The following FOXP1 variants were observed in gnomAD, a reference collection of about 807,000 sequenced individuals.
The protein encoded by FOXP1 is forkhead box P1.
Under a neutral mutation model 98.2 loss-of-function variants are expected in FOXP1, and 15 were observed. That is an observed-to-expected ratio of 0.15 (90% CI 0.10 to 0.24). FOXP1 has a LOEUF of 0.24. FOXP1 is among the 10% of genes least tolerant of loss of function. The pLI is 1.00. For synonymous variants in FOXP1, 371 were observed against 314.5 expected (o/e 1.18, Z -1.90); for missense variants, 633 against 848.5 (o/e 0.75, Z 3.15).
rs143202281 is a variant in FOXP1 at position 70,955,832 on chromosome 3, G to GCACACACACACACACACA, written c.*3397_*3414dup. The GCACACACACACACACACA allele has an allele frequency of 5.5e-6, 1 of 182,882 alleles. No individual in the cohort carries two copies. Among genetic ancestry groups the GCACACACACACACACACA allele is most frequent in the African/African-American group, 2.3e-5 (1 of 43,408 alleles). 11.3% of individuals were successfully genotyped at this position (182,882 alleles called of 1,614,324 possible). Reference sequence around the variant, plus strand: ...AACAGATTAACACACACGCACGCGCGCACACACACACACACACACACACAA... The same window carrying GCACACACACACACACACA: ...AACAGATTAACACACACGCACGCGCGCACACACACACACACACACACACACACACACACACACACACAA... On this transcript the variant is annotated 3_prime_UTR_variant, in exon 21 of 21. Transcript: ENST00000649528.
At chr3:71,230,135 T>G (rs556510919) in intron 5 of FOXP1, among the ~76,000 whole-genome samples, 1 of 151,794 alleles carries the variant, frequency 6.6e-6, no homozygotes, top group African/African-American at 2.4e-5. Context: ...GGGTGGGGGA[T>G]AAAGGAGAAA....
At chr3:71,430,471 G>A (rs1228981826) in intron 3 of FOXP1, among the ~76,000 whole-genome samples, 1 of 151,456 alleles carries the variant, frequency 6.6e-6, no homozygotes, top group Non-Finnish European at 1.5e-5. Flanking sequence ...TTTGATGCTT[G>A]TCTGTGATAT....
At chr3:71,101,263 T>C (rs72947455) in intron 7 of FOXP1, among the ~76,000 whole-genome samples, 2 of 152,222 alleles carry the variant, frequency 1.3e-5, no homozygotes, top group African/African-American at 2.4e-5. Flanking sequence ...CTGAAATTCA[T>C]GTGAAGGCGA....
At chr3:71,352,800 T>G (rs934807113) in intron 4 of FOXP1, among the ~76,000 whole-genome samples, 11 of 152,316 alleles carry the variant, frequency 7.2e-5, no homozygotes, top group Admixed American at 5.9e-4. Flanking sequence ...TTCATGAGTT[T>G]AGAAAATTCT....
chr3:71,530,188 G>C (rs982169569), intron 2 of FOXP1, among the ~76,000 whole-genome samples: 1 of 152,296 alleles, frequency 6.6e-6, no homozygotes, highest in Non-Finnish European at 1.5e-5. Context: ...ACAGTGTTGA[G>C]AGATGGGACC....
intron 5 of FOXP1, among the ~76,000 whole-genome samples, chr3:71,245,801 C>T (rs562207106): frequency 2.0e-5 from 3 of 148,950 alleles, no homozygotes; most frequent in Non-Finnish European, 4.5e-5. Flanking sequence ...CCAATCACCA[C>T]CCCCCCCACC....
chr3:71,169,328 A>T (rs1318775497), intron 6 of FOXP1, among the ~76,000 whole-genome samples: 1 of 152,156 alleles, frequency 6.6e-6, no homozygotes, highest in Non-Finnish European at 1.5e-5. Flanking sequence ...CTCTTTGTCC[A>T]GTCCCTGTCT....
chr3:71,547,415 A>G (rs2045448120), intron 2 of FOXP1, among the ~76,000 whole-genome samples: 1 of 152,152 alleles, frequency 6.6e-6, no homozygotes, highest in African/African-American at 2.4e-5. Context: ...CTTATCCAAA[A>G]AGAAGGTAGA....
At chr3:70,990,031 A>T (rs767931949) in intron 13 of FOXP1, among the ~76,000 whole-genome samples, 2 of 152,212 alleles carry the variant, frequency 1.3e-5, no homozygotes, top group South Asian at 4.1e-4. Context: ...AGTAACTGCC[A>T]TCGGAAACAT....
intron 9 of FOXP1, among the ~76,000 whole-genome samples, chr3:71,051,325 T>A (rs1322204296): frequency 1.3e-5 from 2 of 152,140 alleles, no homozygotes; most frequent in African/African-American, 4.8e-5. Flanking sequence ...ACCCCAAAAC[T>A]GCCCCTACTC....
At chr3:71,406,684 T>C (rs2082370543) in intron 3 of FOXP1, among the ~76,000 whole-genome samples, 1 of 152,030 alleles carries the variant, frequency 6.6e-6, no homozygotes, top group Non-Finnish European at 1.5e-5. Context: ...AATTCTCCCT[T>C]GCCATGTAAC....
At chr3:71,580,303 T>C (rs973415333) in intron 2 of FOXP1, among the ~76,000 whole-genome samples, 2 of 151,744 alleles carry the variant, frequency 1.3e-5, no homozygotes, top group Non-Finnish European at 2.9e-5. Flanking sequence ...TGCAGTGAGA[T>C]TTTAGCTGAC....
intron 13 of FOXP1, among the ~76,000 whole-genome samples, chr3:70,990,752 G>C (rs2040474964): frequency 6.6e-6 from 1 of 152,232 alleles, no homozygotes; most frequent in African/African-American, 2.4e-5. Context: ...CTAAACATTA[G>C]AGGGAGCTGC....
intron 3 of FOXP1, among the ~76,000 whole-genome samples, chr3:71,368,898 C>T (rs1034934657): frequency 2.0e-5 from 3 of 152,114 alleles, no homozygotes; most frequent in Non-Finnish European, 2.9e-5. Context: ...AAACATATAC[C>T]TTATTATGTA....
At chr3:71,568,946 C>G (rs2047125520) in intron 2 of FOXP1, among the ~76,000 whole-genome samples, 1 of 152,224 alleles carries the variant, frequency 6.6e-6, no homozygotes, top group Admixed American at 6.5e-5. Context: ...TGTGCCCAGC[C>G]TGTTCTCTGA....
In FOXP1 at chr3:71,198,312, T is replaced by G. The variant is rs748388342; in HGVS notation, c.70A>C (p.Asn24His). Residue 24 changes from asparagine (N) to histidine (H), a missense_variant, in exon 6 of 21, where the codon AAC becomes CAC. Physicochemically the swap from Asn to His is moderately conservative, Grantham distance 68. This residue lies in a region of FOXP1 where 103 missense variants were observed against 85.5 expected (regional missense o/e 1.20). Coordinates refer to ENST00000649528, the MANE Select transcript of FOXP1 (RefSeq NM_001349338.3). ...AGACCGCCGCACTCTAGTAAGTGGT[T>G]GCTGCCGCCCGACCCATTCTGGATG... is the stretch of plus-strand genomic sequence containing the variant. Reference protein sequence around the residue: ...SAIQNGSGGSNHLLECGGLRE... With the variant: ...SAIQNGSGGSHHLLECGGLRE... 1 of 1,613,814 alleles carries G rather than the reference T, an allele frequency of 6.2e-7. No individual in the cohort carries two copies. Among genetic ancestry groups the G allele is most frequent in the Non-Finnish European group, 8.5e-7 (1 of 1,179,966 alleles).
chr3:71,295,264 G>T (rs776068875), intron 5 of FOXP1, among the ~76,000 whole-genome samples: 9 of 152,158 alleles, frequency 5.9e-5, no homozygotes, highest in Non-Finnish European at 1.2e-4. Context: ...ACTCTAAAAA[G>T]GTAGTTTTGA....
rs1399214953 is a variant in FOXP1, at chr3:71,163,701, T to C, written c.180+34501A>G. 2.6e-5 allele frequency among the ~76,000 whole-genome samples: 4 copies of C among 152,280 alleles called. No homozygotes were observed. The South Asian group carries it at 8.3e-4, about 32-fold the overall frequency. On this transcript the variant is annotated intron_variant, in intron 6 of 20. Coordinates refer to ENST00000649528, the MANE Select transcript of FOXP1 (RefSeq NM_001349338.3). ...CAACAAAACCTTATATTCTGTTTAG[T>C]TCATCATTCCTATGTGTAAAATTCC...
chr3:71,067,806 T>C (rs1017129898), intron 7 of FOXP1, among the ~76,000 whole-genome samples: 6 of 148,400 alleles, frequency 4.0e-5, no homozygotes, highest in Non-Finnish European at 8.9e-5. Context: ...TCCCAACAAC[T>C]TGGGAGACTG....
Sources: allele counts gnomAD v4.1 joint callset (sites outside exome capture counted in the v4.1 genomes callset), GRCh38; gene constraint gnomAD v4.1.1; regional missense constraint gnomAD v4.1.1; transcripts MANE v1.5; gene names NCBI Gene and HGNC (gene_info 2026-07-23, HGNC 2026-07-21).